NBEAL2: variants seen among roughly 807,000 people sequenced by gnomAD.
The protein encoded by NBEAL2 is neurobeachin like 2, also known as neurobeachin-like protein 2.
Under a neutral mutation model 299.8 loss-of-function variants are expected in NBEAL2, and 160 were observed. The ratio of observed to expected loss-of-function variants is 0.53; its 90% CI spans 0.47 to 0.61. NBEAL2 has a LOEUF of 0.61. Among genes scored for constraint, NBEAL2 ranks in the 20% least tolerant of loss-of-function variants. NBEAL2 has a pLI of 0.00. For missense variants in NBEAL2, 3,112 were observed against 3,649.0 expected (o/e 0.85, Z 3.79); for synonymous variants, 1,493 against 1,542.3 (o/e 0.97, Z 0.75).
rs750502401 is a variant in NBEAL2 at position 47,002,640 on chromosome 3, C to T, written c.5302-5C>T. 1.2e-6 allele frequency: 2 copies of T among 1,608,880 alleles called. No individual in the cohort carries two copies. Among genetic ancestry groups the T allele is most frequent in the Admixed American group, 3.4e-5 (2 of 59,398 alleles). Reference sequence around the variant, plus strand: ...CAGGGGACTGACCTATTACCCCCACCCCAGGAGCTGGTGCTGGAACCTGCG... The same window carrying T: ...CAGGGGACTGACCTATTACCCCCACTCCAGGAGCTGGTGCTGGAACCTGCG... On this transcript the variant is annotated splice_polypyrimidine_tract_variant and splice_region_variant and intron_variant, in intron 32 of 53. Coordinates refer to ENST00000450053, the MANE Select transcript of NBEAL2 (RefSeq NM_015175.3).
In NBEAL2 at chr3:47,004,148, C is replaced by T. The variant is rs772059475; in HGVS notation, c.5953C>T (p.Arg1985Cys). The change falls in exon 37 of 54, where the codon CGT (arginine) becomes TGT (cysteine). Residue 1985 changes from arginine to cysteine, a missense_variant. Around this residue, in one of 3 missense-constraint regions of NBEAL2, gnomAD observed 521 missense variants for 729.6 expected, o/e 0.71. Coordinates refer to ENST00000450053, the MANE Select transcript of NBEAL2 (RefSeq NM_015175.3). The surrounding 1 kb of genome is among the most constrained non-coding windows in gnomAD (Gnocchi z 5.0). ...CCACCTGCGGCGTTTCAACCTGCGC[C>T]GTTCAGCACTTGAGCTCTTCTTTAT... is the stretch of plus-strand genomic sequence containing the variant. ...EVHLRRFNLR[R>C]SALELFFIDQ... is the part of the protein sequence containing the mutation. The T allele has an allele frequency of 1.9e-6, 3 of 1,613,710 alleles. No individual in the cohort carries two copies. Among genetic ancestry groups the T allele is most frequent in the Non-Finnish European group, 2.5e-6 (3 of 1,179,786 alleles).
Position 47,002,371 on chromosome 3 carries a change from G to C in NBEAL2, c.5152G>C (p.Val1718Leu), listed in dbSNP as rs1455662877. 6 of 1,613,450 alleles carry C rather than the reference G, an allele frequency of 3.7e-6. No individual in the cohort carries two copies. Among genetic ancestry groups the C allele is most frequent in the East Asian group, 2.2e-5 (1 of 44,892 alleles). ...TGTTCTCCTCTGCCCAATCCTCCAG[G>C]TACAGCCAACCATGTCCCAGTTCGA... ...PEWRHFIDKQ[V>L]QPTMSQFEMD... The change falls in exon 32 of 54, where the codon GTA becomes CTA. Residue 1718 changes from valine to leucine, a missense_variant and splice_region_variant. This residue lies in a region of NBEAL2 where 2,243 missense variants were observed against 2,538.1 expected (regional missense o/e 0.88). Coordinates refer to ENST00000450053, the MANE Select transcript of NBEAL2 (RefSeq NM_015175.3).
Position 46,989,700 on chromosome 3 carries a change from G to A in NBEAL2, c.556+107G>A. ...AGGAACCACTTGGTGGTGGCTGCAT[G>A]CAGGACTGGGAGAACCAAAGACCAA... On this transcript the variant is annotated intron_variant, in intron 6 of 53. Coordinates refer to ENST00000450053, the MANE Select transcript of NBEAL2 (RefSeq NM_015175.3). The surrounding 1 kb of genome is among the most constrained non-coding windows in gnomAD (Gnocchi z 5.5). 5.0e-6 allele frequency: 5 copies of A among 1,009,000 alleles called. No homozygotes were observed. The South Asian group carries it at 6.9e-5, about 14-fold the overall frequency. 62.5% of individuals were successfully genotyped at this position (1,009,000 alleles called of 1,614,324 possible). A position where few individuals can be genotyped will look rare whatever the true frequency, so the allele number is the denominator to read the frequency against.
At chr3:46,998,629 T>C in intron 22 of NBEAL2, 64 bp downstream of exon 22, 2 of 1,568,106 alleles carry the variant, frequency 1.3e-6, no homozygotes, top group South Asian at 2.3e-5. Flanking sequence ...CCTTGGGGAC[T>C]GGGCGGTGCG....
chr3:46,983,493 A>G (rs948912791), intron 1 of NBEAL2, among the ~76,000 whole-genome samples: 12 of 151,984 alleles, frequency 7.9e-5, no homozygotes, highest in African/African-American at 2.9e-4. Context: ...TATTTTTAGT[A>G]GAGACGGGGT....
chr3:47,007,235 C>T lies in NBEAL2; in HGVS notation c.7225-6C>T, dbSNP rs754510024. 1.3e-5 allele frequency: 21 copies of T among 1,611,316 alleles called. No individual in the cohort carries two copies. Among genetic ancestry groups the T allele is most frequent in the Non-Finnish European group, 1.7e-5 (20 of 1,178,660 alleles). Reference sequence around the variant, plus strand: ...GAAACCCACCTCTGCCCCCTCCTGCCTGCAGGTGACTGTGAGTGCCAGTGG... The same window carrying T: ...GAAACCCACCTCTGCCCCCTCCTGCTTGCAGGTGACTGTGAGTGCCAGTGG... On this transcript the variant is annotated splice_polypyrimidine_tract_variant and splice_region_variant and intron_variant, in intron 46 of 53. Coordinates refer to ENST00000450053, the MANE Select transcript of NBEAL2 (RefSeq NM_015175.3).
Position 47,001,101 on chromosome 3 carries a change from G to A in NBEAL2, c.4406G>A (p.Arg1469His), listed in dbSNP as rs1366517392. The A allele has an allele frequency of 3.7e-6, 6 of 1,612,384 alleles. No homozygotes were observed. The highest frequency in any genetic ancestry group is 5.1e-6 in the Non-Finnish European group (6 of 1,179,462). The change falls in exon 28 of 54, where the codon CGT (arginine) becomes CAT (histidine). Residue 1469 changes from arginine (R) to histidine (H), a missense_variant. By Grantham distance (29) the Arg-to-His change is conservative. Transcript: ENST00000450053. This position sits in a 1 kb window ranked among gnomAD's most constrained non-coding sequence, Gnocchi z 6.1. ...EGSDEAAWRERGQVFSVLTQL... is the reference protein window; with the variant it reads ...EGSDEAAWREHGQVFSVLTQL... The stretch of plus-strand genomic sequence containing the variant: ...AGCGATGAGGCTGCCTGGCGGGAGC[G>A]TGGCCAGGTTTTCTCAGTGCTCACC...
rs184366749 is a variant in NBEAL2 at position 47,006,375 on chromosome 3, C to A, written c.7060C>A (p.Arg2354Ser). ...GCTCTCAGCTGAGGAAGCAGCCCAT[C>A]GCCTTGCACGCCTGGACACTAACTC... is the stretch of plus-strand genomic sequence containing the variant. ...TRLSAEEAAH[R>S]LARLDTNSPS... is the part of the protein sequence containing the mutation. Residue 2354 changes from arginine (R) to serine (S), a missense_variant, in exon 45 of 54, where the codon CGC becomes AGC. By Grantham distance (110) the Arg-to-Ser change is moderately radical. Around this residue, in one of 3 missense-constraint regions of NBEAL2, gnomAD observed 521 missense variants for 729.6 expected, o/e 0.71. Coordinates refer to ENST00000450053, the MANE Select transcript of NBEAL2 (RefSeq NM_015175.3). The A allele has an allele frequency of 6.3e-7, 1 of 1,594,916 alleles. No homozygotes were observed. Among genetic ancestry groups the A allele is most frequent in the Non-Finnish European group, 8.5e-7 (1 of 1,170,952 alleles).
In NBEAL2 at chr3:47,003,727, C is replaced by G; in HGVS notation, c.5721-89C>G. The G allele has an allele frequency of 1.4e-6, 2 of 1,450,000 alleles. No individual in the cohort carries two copies. Among genetic ancestry groups the G allele is most frequent in the Non-Finnish European group, 1.9e-6 (2 of 1,080,476 alleles). 89.8% of individuals were successfully genotyped at this position (1,450,000 alleles called of 1,614,324 possible). ...TCTGGGAGTCATGAGAGTATATACC[C>G]CATGACTCAATGGCACTTGGATGCC... On this transcript the variant is annotated intron_variant, in intron 35 of 53. Transcript: ENST00000450053. The surrounding 1 kb of genome is among the most constrained non-coding windows in gnomAD (Gnocchi z 7.0).
rs1310462327 is a variant in NBEAL2, at chr3:47,001,458, C to T, written c.4644+20C>T. On this transcript the variant is annotated intron_variant, in intron 29 of 53. Transcript: ENST00000450053. The surrounding 1 kb of genome is among the most constrained non-coding windows in gnomAD (Gnocchi z 6.1). ...GAGAAGGTGCGACCCCTCAGAGAGG[C>T]GTGAGCCACATGAACACTCATGTTC... The T allele has an allele frequency of 1.1e-5, 17 of 1,607,114 alleles. No homozygotes were observed. The highest frequency in any genetic ancestry group is 2.2e-5 in the East Asian group (1 of 44,604).
rs1358747096 is a variant in NBEAL2 at position 47,008,321 on chromosome 3, G to A, written c.7758G>A (p.Gln2586=). The A allele has an allele frequency of 1.2e-6, 2 of 1,613,272 alleles. No homozygotes were observed. Among genetic ancestry groups the A allele is most frequent in the African/African-American group, 2.7e-5 (2 of 74,934 alleles). The change falls in exon 51 of 54, where the codon CAG becomes CAA. Residue 2586 remains glutamine (Q), a synonymous_variant. Coordinates refer to ENST00000450053, the MANE Select transcript of NBEAL2 (RefSeq NM_015175.3). ...TVIIHTVRRG[Q]FVAALRPLGA... is the part of the protein sequence containing the mutation. ...TCATACACACTGTACGCCGCGGACA[G>A]TTTGTAGCGGCACTACGGCCTCTGG...
Position 46,997,049 on chromosome 3 carries a change from C to A in NBEAL2, c.2649+3C>A. 6.2e-7 allele frequency: 1 copy of A among 1,611,918 alleles called. No individual in the cohort carries two copies. Among genetic ancestry groups the A allele is most frequent in the South Asian group, 1.1e-5 (1 of 90,980 alleles). On this transcript the variant is annotated splice_donor_region_variant and intron_variant, in intron 18 of 53. Transcript: ENST00000450053. ...GAGTGGAGACCTGGGATGTGAAGGTCTGTGAGCACGTGTGGGTGGTGTGTG... is the reference window on the plus strand; with the variant it reads ...GAGTGGAGACCTGGGATGTGAAGGTATGTGAGCACGTGTGGGTGGTGTGTG...
chr3:46,984,330 A>G (rs2035556505), intron 1 of NBEAL2, among the ~76,000 whole-genome samples: 1 of 152,068 alleles, frequency 6.6e-6, no homozygotes, highest in Non-Finnish European at 1.5e-5. Flanking sequence ...AAAAAAAACA[A>G]TAGTACAAGG....
At position 47,002,700 on chromosome 3, in the gene NBEAL2, C is replaced by T. The variant is rs544381487; in HGVS notation, c.5357C>T (p.Thr1786Met). The change falls in exon 33 of 54, where the codon ACG becomes ATG. Residue 1786 changes from threonine (T) to methionine (M), a missense_variant. This residue lies in a region of NBEAL2 where 2,243 missense variants were observed against 2,538.1 expected (regional missense o/e 0.88). Coordinates refer to ENST00000450053, the MANE Select transcript of NBEAL2 (RefSeq NM_015175.3). ...GCGCGCCTGGAGGGGCTACGCTACA[C>T]GGCAGTGCTGAAGCAGCAGGCAACG... ...RRARLEGLRYTAVLKQQATQH... is the reference protein window; with the variant it reads ...RRARLEGLRYMAVLKQQATQH... The T allele has an allele frequency of 2.0e-5, 32 of 1,602,682 alleles. No homozygotes were observed. Among genetic ancestry groups the T allele is most frequent in the South Asian group, 8.9e-5 (8 of 89,874 alleles).
Position 46,997,297 on chromosome 3 carries a change from G to A in NBEAL2, c.2688G>A (p.Leu896=), listed in dbSNP as rs1356557511. 6.2e-7 allele frequency: 1 copy of A among 1,612,936 alleles called. No homozygotes were observed. Among genetic ancestry groups the A allele is most frequent in the Admixed American group, 1.7e-5 (1 of 60,010 alleles). The change falls in exon 19 of 54, where the codon CTG becomes CTA. Residue 896 remains leucine (L), a synonymous_variant. Transcript: ENST00000450053. ...GCGTTGGGGGTATGGGTGCCCTGCT[G>A]CCCCTGCTGGAGCGAGTAGCTGCAC... ...VNCVGGMGAL[L]PLLERVAAQP... is the part of the protein sequence containing the mutation.
At position 46,991,573 on chromosome 3, in the gene NBEAL2, C is replaced by T. The variant is rs778597569; in HGVS notation, c.810C>T (p.Gly270=). 6.9e-6 allele frequency: 11 copies of T among 1,602,942 alleles called. No homozygotes were observed. In the South Asian group the frequency reaches 9.9e-5, roughly 14 times the overall value. ...VLHASRAPPR[G]PELRALLESY... is the part of the protein sequence containing the mutation. ...ATGCCAGCCGCGCACCTCCTCGTGG[C>T]CCAGAGCTTCGTGCCCTGCTTGAGA... The change falls in exon 8 of 54, where the codon GGC becomes GGT. Residue 270 remains glycine (G), a synonymous_variant. Coordinates refer to ENST00000450053, the MANE Select transcript of NBEAL2 (RefSeq NM_015175.3). This position sits in a 1 kb window ranked among gnomAD's most constrained non-coding sequence, Gnocchi z 6.2.
rs1188540333 is a variant in NBEAL2 at position 47,008,571 on chromosome 3, C to T, written c.7930C>T (p.Leu2644=). 6.2e-7 allele frequency: 1 copy of T among 1,613,710 alleles called. No homozygotes were observed. The highest frequency in any genetic ancestry group is 2.2e-5 in the East Asian group (1 of 44,888). ...YSVNGKLRAS[L]PLAEQPTALT... is the part of the protein sequence containing the mutation. Reference sequence around the variant, plus strand: ...AGTCAATGGGAAGTTGCGGGCTTCACTGCCCCTGGCAGAGCAGCCTACAGC... The same window carrying T: ...AGTCAATGGGAAGTTGCGGGCTTCATTGCCCCTGGCAGAGCAGCCTACAGC... Residue 2644 remains leucine, a synonymous_variant, in exon 52 of 54, where the codon CTG becomes TTG. Coordinates refer to ENST00000450053, the MANE Select transcript of NBEAL2 (RefSeq NM_015175.3).
chr3:47,002,116 G>A lies in NBEAL2; in HGVS notation c.4979G>A (p.Arg1660His), dbSNP rs756124320. The part of the protein sequence containing the change: ...AAAAAAAAAE[R>H]CSWLVPLVRT... ...GCAGCAGCTGCAGCAGCTGCAGAGC[G>A]CTGCTCCTGGCTGGTGCCACTGGTG... The change falls in exon 31 of 54, where the codon CGC becomes CAC. Residue 1660 changes from arginine to histidine, a missense_variant. Physicochemically the swap from Arg to His is conservative, Grantham distance 29. Transcript: ENST00000450053. 40 of 1,550,414 alleles carry A rather than the reference G, an allele frequency of 2.6e-5. No homozygotes were observed. Among genetic ancestry groups the A allele is most frequent in the South Asian group, 3.6e-5 (3 of 84,458 alleles).
chr3:46,992,523 A>C lies in NBEAL2; in HGVS notation c.1081A>C (p.Thr361Pro). ...CCCCGAGGGGGACAGTGACCTGGCTACCCGGTTACTGACTGAGCCCGATGT... is the reference window on the plus strand; with the variant it reads ...CCCCGAGGGGGACAGTGACCTGGCTCCCCGGTTACTGACTGAGCCCGATGT... Reference protein sequence around the residue: ...APPEGDSDLATRLLTEPDVQK... With the variant: ...APPEGDSDLAPRLLTEPDVQK... The change falls in exon 10 of 54, where the codon ACC (threonine) becomes CCC (proline). Residue 361 changes from threonine to proline, a missense_variant. Thr to Pro is a conservative substitution (Grantham distance 38). Coordinates refer to ENST00000450053, the MANE Select transcript of NBEAL2 (RefSeq NM_015175.3). 1 of 1,603,670 alleles carries C rather than the reference A, an allele frequency of 6.2e-7. No homozygotes were observed. The highest frequency in any genetic ancestry group is 1.1e-5 in the South Asian group (1 of 88,920).
Sources: gnomAD v4.1 joint callset for allele counts (sites outside exome capture counted in the v4.1 genomes callset) on GRCh38, gnomAD v4.1.1 for gene constraint, gnomAD v4.1.1 regional missense constraint, Gnocchi (gnomAD v3.1) non-coding constraint, MANE v1.5 for transcripts, NCBI Gene and HGNC (gene_info 2026-07-23, HGNC 2026-07-21) for gene names.